The following SGIP1 variants were observed in gnomAD, a reference collection of about 807,000 sequenced individuals.
SGIP1 encodes SH3-containing GRB2-like protein 3-interacting protein 1.
A neutral mutation model predicts 107.5 loss-of-function variants in SGIP1; 38 were observed. The ratio of observed to expected loss-of-function variants is 0.35; its 90% CI spans 0.27 to 0.46. SGIP1 has a LOEUF of 0.46. SGIP1 is among the 20% of genes least tolerant of loss of function. The pLI, the probability that SGIP1 is intolerant of heterozygous loss-of-function variation, is 1.00. For synonymous variants in SGIP1, 365 were observed against 366.1 expected (o/e 1.00, Z 0.03); for missense variants, 929 against 1,019.5 (o/e 0.91, Z 1.21).
chr1:66,742,460 C>CTT lies in SGIP1; in HGVS notation c.2465-587_2465-586dup, dbSNP rs764080079. On this transcript the variant is annotated intron_variant, in intron 24 of 24. Coordinates refer to ENST00000371037, the MANE Select transcript of SGIP1 (RefSeq NM_032291.4). The stretch of plus-strand genomic sequence containing the variant: ...AATATAAGTTATATGAGCACCCTTT[C>CTT]TTTTTTTTTTTTTTTTTTTTTTTTT... 3.4e-3 allele frequency among the ~76,000 whole-genome samples: 155 copies of CTT among 45,112 alleles called. 35 individuals carry two copies. The highest frequency in any genetic ancestry group is 0.011 in the African/African-American group (108 of 10,162). The allele number at this position is 45,112 out of a possible 152,430, so 29.6% of individuals were successfully genotyped here.
intron 10 of SGIP1, among the ~76,000 whole-genome samples, chr1:66,671,263 A>G (rs2083722550): frequency 6.6e-6 from 1 of 152,140 alleles, no homozygotes. Flanking sequence ...TTTTCTTTCT[A>G]TATTTGTCAA....
chr1:66,699,973 G>A (rs1571996868), intron 18 of SGIP1, among the ~76,000 whole-genome samples: 1 of 152,296 alleles, frequency 6.6e-6, no homozygotes, highest in East Asian at 1.9e-4. Context: ...TTTACCATGT[G>A]TAAAGCAGCC....
chr1:66,652,175 G>GC (rs2078889812), intron 7 of SGIP1, among the ~76,000 whole-genome samples: 1 of 111,796 alleles, frequency 8.9e-6, no homozygotes, highest in South Asian at 2.8e-4. Flanking sequence ...GCTGTAAAAT[G>GC]GGAAAAAAAT....
chr1:66,626,391 A>G (rs1004222017), intron 2 of SGIP1, among the ~76,000 whole-genome samples: 1 of 152,152 alleles, frequency 6.6e-6, no homozygotes, highest in African/African-American at 2.4e-5. Flanking sequence ...CAAATTGTAA[A>G]TCAACCAACA....
At chr1:66,582,549 C>CT (rs1397089516) in intron 1 of SGIP1, among the ~76,000 whole-genome samples, 1 of 150,706 alleles carries the variant, frequency 6.6e-6, no homozygotes, top group Non-Finnish European at 1.5e-5. Context: ...TTGTAAAGGG[C>CT]TTTGCCAATT....
chr1:66,655,496 C>T (rs1032259475), intron 7 of SGIP1, among the ~76,000 whole-genome samples: 1 of 152,166 alleles, frequency 6.6e-6, no homozygotes, highest in African/African-American at 2.4e-5. Context: ...TATTACACAG[C>T]CGTGTGTTGC....
intron 17 of SGIP1, 197 bp from the exon 18 acceptor site, chr1:66,695,237 G>C (rs1251177269): frequency 9.6e-7 from 1 of 1,041,298 alleles, no homozygotes; most frequent in Non-Finnish European, 1.3e-6. Flanking sequence ...CTTTGCTTTT[G>C]CTTTCTGTTT....
At chr1:66,697,111 T>C (rs1199324193) in intron 18 of SGIP1, among the ~76,000 whole-genome samples, 1 of 152,224 alleles carries the variant, frequency 6.6e-6, no homozygotes, top group African/African-American at 2.4e-5. Context: ...TTGTTTGTTT[T>C]GGCTAGTGTA....
chr1:66,546,891 C>T (rs778835718), intron 1 of SGIP1, among the ~76,000 whole-genome samples: 2 of 152,130 alleles, frequency 1.3e-5, no homozygotes, highest in Admixed American at 6.5e-5. Flanking sequence ...CTGCAAGTCC[C>T]GACTGTGTCT....
intron 14 of SGIP1, among the ~76,000 whole-genome samples, chr1:66,681,536 G>T (rs972350627): frequency 6.6e-6 from 1 of 152,140 alleles, no homozygotes; most frequent in East Asian, 1.9e-4. Context: ...ATCTAATACT[G>T]CCTTCTCAAA....
intron 1 of SGIP1, among the ~76,000 whole-genome samples, chr1:66,618,695 T>A (rs904597686): frequency 1.3e-5 from 2 of 152,234 alleles, no homozygotes; most frequent in Admixed American, 6.5e-5. Context: ...ATTAAAGTGC[T>A]TGACACAGTG....
At chr1:66,597,742 G>T (rs11208918) in intron 1 of SGIP1, among the ~76,000 whole-genome samples, 14 of 152,008 alleles carry the variant, frequency 9.2e-5, no homozygotes, top group Admixed American at 7.2e-4. Context: ...CTCAGAGTAT[G>T]GGACTTTCTA....
intron 1 of SGIP1, among the ~76,000 whole-genome samples, chr1:66,598,105 G>A (rs1044346746): frequency 1.3e-5 from 2 of 152,148 alleles, no homozygotes; most frequent in Non-Finnish European, 2.9e-5. Flanking sequence ...GCAACCTTAA[G>A]TGTTAAAGAT....
chr1:66,563,943 G>T (rs1223432470), intron 1 of SGIP1, among the ~76,000 whole-genome samples: 1 of 152,018 alleles, frequency 6.6e-6, no homozygotes, highest in Non-Finnish European at 1.5e-5. Context: ...AGGGCAGCCA[G>T]TCCTGCCATG....
chr1:66,543,713 T>G (rs1190674543), intron 1 of SGIP1, among the ~76,000 whole-genome samples: 11 of 152,140 alleles, frequency 7.2e-5, no homozygotes, highest in Admixed American at 7.2e-4. Flanking sequence ...GGCCAGGACT[T>G]GAAGAGGGAC....
chr1:66,605,934 C>T (rs980879360), intron 1 of SGIP1, among the ~76,000 whole-genome samples: 4 of 152,156 alleles, frequency 2.6e-5, no homozygotes, highest in African/African-American at 9.7e-5. Context: ...GACCACCTAA[C>T]CTCGATGTTG....
chr1:66,633,270 C>T (rs2075158251), intron 3 of SGIP1, among the ~76,000 whole-genome samples, 176 bp downstream of exon 3: 1 of 152,012 alleles, frequency 6.6e-6, no homozygotes, highest in African/African-American at 2.4e-5. Flanking sequence ...TAGTCCTGGT[C>T]AAGCTAGACT....
intron 1 of SGIP1, among the ~76,000 whole-genome samples, chr1:66,582,152 T>C (rs1226368686): frequency 6.6e-6 from 1 of 152,076 alleles, no homozygotes; most frequent in Non-Finnish European, 1.5e-5. Context: ...AGGTTGGTTG[T>C]GGGTTATCTG....
At chr1:66,636,469 C>T (rs1158785493) in intron 4 of SGIP1, among the ~76,000 whole-genome samples, 1 of 152,188 alleles carries the variant, frequency 6.6e-6, no homozygotes, top group Non-Finnish European at 1.5e-5. Flanking sequence ...GATGCTGACC[C>T]TAGCCCAAAC....
Sources: allele counts gnomAD v4.1 joint callset (sites outside exome capture counted in the v4.1 genomes callset), GRCh38; gene constraint gnomAD v4.1.1; transcripts MANE v1.5; gene names NCBI Gene and HGNC (gene_info 2026-07-23, HGNC 2026-07-21).